DOK6: variants seen among roughly 807,000 people sequenced by gnomAD.
DOK6 encodes downstream of tyrosine kinase 6.
Under a neutral mutation model 44.0 loss-of-function variants are expected in DOK6, and 22 were observed. That is an observed-to-expected ratio of 0.50 (90% CI 0.36 to 0.71). The LOEUF (loss-of-function observed/expected upper bound fraction) is 0.71. DOK6 is among the 30% of genes least tolerant of loss of function. The pLI, the probability that DOK6 is intolerant of heterozygous loss-of-function variation, is 0.00. For missense variants in DOK6, 340 were observed against 416.4 expected, an observed-to-expected ratio of 0.82 and a Z score of 1.60; for synonymous variants, 166 against 145.5, an observed-to-expected ratio of 1.14 and a Z score of -1.01.
chr18:69,568,536 G>A (rs1343127971), intron 2 of DOK6, among the ~76,000 whole-genome samples: 1 of 152,192 alleles, frequency 6.6e-6, no homozygotes, highest in Non-Finnish European at 1.5e-5. Flanking sequence ...GGCAGATGTA[G>A]TCACACCAAA....
At chr18:69,643,308 T>A (rs1984990106) in intron 3 of DOK6, among the ~76,000 whole-genome samples, 1 of 152,222 alleles carries the variant, frequency 6.6e-6, no homozygotes, top group African/African-American at 2.4e-5. Context: ...TGTGTGTGTA[T>A]GTTCTATACA....
intron 1 of DOK6, among the ~76,000 whole-genome samples, chr18:69,429,645 A>T (rs989953905): frequency 5.2e-5 from 3 of 58,144 alleles, no homozygotes; most frequent in African/African-American, 2.3e-4. Context: ...ATATATATAT[A>T]TATATATATA....
At chr18:69,830,378 T>A (rs945498659) in intron 7 of DOK6, among the ~76,000 whole-genome samples, 1 of 152,104 alleles carries the variant, frequency 6.6e-6, no homozygotes, top group Non-Finnish European at 1.5e-5. Flanking sequence ...TAAAATGAGA[T>A]CATATGGGTA....
At chr18:69,695,082 C>A (rs1986361418) in intron 4 of DOK6, among the ~76,000 whole-genome samples, 2 of 152,194 alleles carry the variant, frequency 1.3e-5, no homozygotes, top group Admixed American at 6.5e-5. Context: ...TGGTACATGG[C>A]ATCATTTTCC....
At chr18:69,748,545 T>C (rs1165325204) in intron 6 of DOK6, among the ~76,000 whole-genome samples, 3 of 152,090 alleles carry the variant, frequency 2.0e-5, no homozygotes, top group African/African-American at 4.8e-5. Flanking sequence ...GCAATCAAAT[T>C]AGAACTCAAG....
At chr18:69,726,491 C>T (rs75689599) in intron 5 of DOK6, among the ~76,000 whole-genome samples, 6,208 of 152,194 alleles carry the variant, frequency 0.041, 218 homozygotes, top group Non-Finnish European at 0.059. Flanking sequence ...ATGACCACAG[C>T]AGAAAGGAGC....
At chr18:69,469,747 C>T in intron 1 of DOK6, 1 of 261,358 alleles carries the variant, frequency 3.8e-6, no homozygotes, top group South Asian at 3.5e-5. Flanking sequence ...ACACGAGAGG[C>T]CAGGACGCCA....
At chr18:69,472,258 G>C (rs139167775) in intron 1 of DOK6, among the ~76,000 whole-genome samples, 1 of 152,198 alleles carries the variant, frequency 6.6e-6, no homozygotes, top group Non-Finnish European at 1.5e-5. Context: ...ATTCAGGCCA[G>C]ATTCTGAGTG....
intron 1 of DOK6, among the ~76,000 whole-genome samples, chr18:69,523,848 C>T (rs1004856107): frequency 1.3e-5 from 2 of 151,942 alleles, no homozygotes; most frequent in Non-Finnish European, 2.9e-5. Context: ...GTAATGGTTA[C>T]AACGATTTGA....
At chr18:69,638,991 T>C (rs770411415) in intron 3 of DOK6, among the ~76,000 whole-genome samples, 7 of 152,212 alleles carry the variant, frequency 4.6e-5, no homozygotes, top group South Asian at 2.1e-4. Context: ...CTTTTTGTTT[T>C]TTCTTTTTTT....
At chr18:69,652,719 C>T (rs145918074) in intron 3 of DOK6, among the ~76,000 whole-genome samples, 13 of 152,212 alleles carry the variant, frequency 8.5e-5, no homozygotes, top group African/African-American at 1.4e-4. Flanking sequence ...AGCTGAGCAC[C>T]GTGGCCTTGG....
intron 1 of DOK6, among the ~76,000 whole-genome samples, chr18:69,520,858 G>A (rs189429821): frequency 1.5e-3 from 226 of 151,906 alleles, no homozygotes; most frequent in African/African-American, 5.1e-3. Context: ...ATTCAGTTCC[G>A]TTCACATCTA....
At chr18:69,430,964 C>G (rs1439270764) in intron 1 of DOK6, among the ~76,000 whole-genome samples, 1 of 152,074 alleles carries the variant, frequency 6.6e-6, no homozygotes, top group African/African-American at 2.4e-5. Flanking sequence ...GTCTCCGTCT[C>G]AAAATAAAAG....
chr18:69,521,239 C>T (rs988017997), intron 1 of DOK6, among the ~76,000 whole-genome samples: 2 of 151,638 alleles, frequency 1.3e-5, no homozygotes, highest in African/African-American at 4.8e-5. Context: ...TTTACTGTTG[C>T]ATGTTTTAAG....
chr18:69,567,516 G>A (rs1983012637), intron 2 of DOK6, among the ~76,000 whole-genome samples: 1 of 152,030 alleles, frequency 6.6e-6, no homozygotes, highest in South Asian at 2.1e-4. Flanking sequence ...TGTGATCAAG[G>A]ACCTGAAAGA....
chr18:69,512,595 C>T (rs1217004697), intron 1 of DOK6, among the ~76,000 whole-genome samples: 1 of 152,044 alleles, frequency 6.6e-6, no homozygotes, highest in Admixed American at 6.6e-5. Context: ...TCGTCCGCCT[C>T]GGCCTCCAAA....
chr18:69,473,154 A>T (rs1256960354), intron 1 of DOK6, among the ~76,000 whole-genome samples: 1 of 152,210 alleles, frequency 6.6e-6, no homozygotes, highest in East Asian at 1.9e-4. Flanking sequence ...GATGAGAGAG[A>T]AGTTCATACT....
chr18:69,714,619 AT>A (rs1383468964), intron 5 of DOK6, among the ~76,000 whole-genome samples: 2 of 152,316 alleles, frequency 1.3e-5, no homozygotes, highest in Middle Eastern at 3.4e-3. Flanking sequence ...AAAAATAAAT[AT>A]TTTTTAGCAA....
At chr18:69,401,876 G>A (rs1220062272) in intron 1 of DOK6, among the ~76,000 whole-genome samples, 2 of 152,106 alleles carry the variant, frequency 1.3e-5, no homozygotes, top group Non-Finnish European at 2.9e-5. Context: ...GGGGACCCGC[G>A]CCCGCGTGCA....
Sources: gnomAD v4.1 joint callset for allele counts (sites outside exome capture counted in the v4.1 genomes callset) on GRCh38, gnomAD v4.1.1 for gene constraint, MANE v1.5 for transcripts, NCBI Gene and HGNC (gene_info 2026-07-23, HGNC 2026-07-21) for gene names.